Variants in STK3 observed in about 807,000 individuals in gnomAD.
The protein encoded by STK3 is serine/threonine-protein kinase 3.
In STK3, 41 loss-of-function variants were observed where a neutral mutation model predicts 58.0. The observed-to-expected ratio is 0.71, with a 90% CI of 0.55 to 0.92. STK3 has a LOEUF of 0.92. Among genes scored for constraint, STK3 ranks in the 40% least tolerant of loss-of-function variants. STK3 has a pLI of 0.00. For missense variants in STK3, 479 were observed against 602.7 expected, an observed-to-expected ratio of 0.79 and a Z score of 2.15; for synonymous variants, 170 against 191.0, an observed-to-expected ratio of 0.89 and a Z score of 0.91.
the STK3 span, among the ~76,000 whole-genome samples, chr8:98,358,254 C>A: frequency 6.6e-5 from 10 of 152,188 alleles, no homozygotes; most frequent in Non-Finnish European, 1.3e-4. Flanking sequence ...GGCCAAGGTG[C>A]AGCAGAACTT....
At chr8:98,576,181 A>G (rs1160597170) in intron 8 of STK3, among the ~76,000 whole-genome samples, 1 of 152,182 alleles carries the variant, frequency 6.6e-6, no homozygotes, top group African/African-American at 2.4e-5. Context: ...AAATGGTCTT[A>G]GCAACTCTGT....
chr8:98,721,926 A>T (rs1563929709), intron 4 of STK3, among the ~76,000 whole-genome samples: 1 of 151,638 alleles, frequency 6.6e-6, no homozygotes, highest in East Asian at 1.9e-4. Context: ...TCTAGATTTA[A>T]TTTTTTTTTA....
At chr8:98,931,396 T>G (rs1236293865) in intron 1 of STK3, among the ~76,000 whole-genome samples, 1 of 152,168 alleles carries the variant, frequency 6.6e-6, no homozygotes, top group East Asian at 1.9e-4. Context: ...GTAAGTAGAA[T>G]GCTGAAAAAG....
At chr8:98,513,026 TA>T (rs576739036) in intron 10 of STK3, among the ~76,000 whole-genome samples, 137 of 143,328 alleles carry the variant, frequency 9.6e-4, no homozygotes, top group Middle Eastern at 7.2e-3. Flanking sequence ...AAAAATAAAC[TA>T]AAATATTTCT....
intron 4 of STK3, among the ~76,000 whole-genome samples, chr8:98,745,368 T>C (rs1296427668): frequency 6.6e-6 from 1 of 152,132 alleles, no homozygotes; most frequent in Non-Finnish European, 1.5e-5. Flanking sequence ...TTGCATATGT[T>C]TGCTCATAGC....
chr8:98,478,488 A>G (rs1326968240), intron 10 of STK3, among the ~76,000 whole-genome samples: 2 of 152,202 alleles, frequency 1.3e-5, no homozygotes, highest in Non-Finnish European at 2.9e-5. Context: ...TCCAAGCCAG[A>G]TGCCTGGAGT....
intron 4 of STK3, among the ~76,000 whole-genome samples, chr8:98,739,279 C>A (rs909516806): frequency 6.6e-6 from 1 of 152,220 alleles, no homozygotes; most frequent in Admixed American, 6.5e-5. Context: ...TGAGAACGGG[C>A]AGACTGCCTC....
At chr8:98,587,677 T>A (rs1193364078) in intron 7 of STK3, among the ~76,000 whole-genome samples, 1 of 152,096 alleles carries the variant, frequency 6.6e-6, no homozygotes, top group Non-Finnish European at 1.5e-5. Flanking sequence ...CTCGTTGATC[T>A]GTCTAATGTT....
rs146759971 is a variant in STK3 at position 98,767,201 on chromosome 8, C to T, written c.236+42G>A. On this transcript the variant is annotated intron_variant, in intron 3 of 10. Transcript: ENST00000419617. Reference sequence around the variant, plus strand: ...TTTGTTATATTTTATTAGCAAAACTCGTCAAAACAAGGGTAAGCAAAGAAA... The same window carrying T: ...TTTGTTATATTTTATTAGCAAAACTTGTCAAAACAAGGGTAAGCAAAGAAA... The T allele has an allele frequency of 1.6e-3, 2,416 of 1,515,972 alleles. 26 individuals are homozygous for T. The African/African-American group carries it at 0.03, about 19-fold the overall frequency. 93.9% of individuals were successfully genotyped at this position (1,515,972 alleles called of 1,614,324 possible). A position where few individuals can be genotyped will look rare whatever the true frequency, so the allele number is the denominator to read the frequency against.
intron 1 of STK3, among the ~76,000 whole-genome samples, chr8:98,917,422 C>A (rs543043421): frequency 1.3e-5 from 2 of 152,098 alleles, no homozygotes; most frequent in African/African-American, 4.8e-5. Flanking sequence ...ATGGATTGAA[C>A]GTTTGTGACC....
At chr8:98,836,303 C>T (rs1448986562) in intron 3 of STK3, among the ~76,000 whole-genome samples, 1 of 152,126 alleles carries the variant, frequency 6.6e-6, no homozygotes, top group Non-Finnish European at 1.5e-5. Context: ...TGGTGAGGGC[C>T]AACTTCCTGA....
intron 1 of STK3, among the ~76,000 whole-genome samples, chr8:98,887,393 G>A (rs935757784): frequency 3.9e-5 from 6 of 152,048 alleles, no homozygotes; most frequent in East Asian, 1.9e-4. Context: ...GAAAAAATCC[G>A]AAAAAATCCA....
intron 2 of STK3, among the ~76,000 whole-genome samples, chr8:98,769,888 T>C (rs1394576641): frequency 6.6e-6 from 1 of 152,220 alleles, no homozygotes; most frequent in Admixed American, 6.5e-5. Flanking sequence ...ACTTCTGAAT[T>C]TCTTAATTCT....
intron 1 of STK3, among the ~76,000 whole-genome samples, chr8:98,938,453 C>A (rs150400279): frequency 2.1e-4 from 32 of 152,296 alleles, no homozygotes; most frequent in African/African-American, 7.2e-4. Flanking sequence ...ATTTTATACT[C>A]CCTCAAGAAA....
intron 6 of STK3, among the ~76,000 whole-genome samples, chr8:98,611,914 C>T (rs899069430): frequency 2.6e-5 from 4 of 151,926 alleles, no homozygotes; most frequent in African/African-American, 9.7e-5. Context: ...AAAAACTTAC[C>T]ATTTTTAGAG....
At chr8:98,543,300 G>A (rs1185873507) in intron 9 of STK3, among the ~76,000 whole-genome samples, 4 of 152,160 alleles carry the variant, frequency 2.6e-5, no homozygotes, top group African/African-American at 9.7e-5. Context: ...CTTAACTGGT[G>A]TTGAGCTTTA....
rs980356450 is a variant in STK3 at position 98,681,292 on chromosome 8, C to T, written c.684+25175G>A. ...GATTACAGGCGTGAGCCACTGCACC[C>T]GGCCTCTAACCTCCACCTTTCTATA... On this transcript the variant is annotated intron_variant, in intron 6 of 10. Transcript: ENST00000419617. Among the ~76,000 whole-genome samples the T allele has an allele frequency of 4.6e-5, 7 of 152,064 alleles. No individual in the cohort carries two copies. The East Asian group carries it at 5.8e-4, about 13-fold the overall frequency.
At chr8:98,660,869 C>T (rs1821918320) in intron 6 of STK3, among the ~76,000 whole-genome samples, 1 of 152,046 alleles carries the variant, frequency 6.6e-6, no homozygotes, top group African/African-American at 2.4e-5. Context: ...GACTTCCTCT[C>T]CCTCCTCAAA....
chr8:98,868,872 G>A (rs928823870), intron 3 of STK3, among the ~76,000 whole-genome samples: 13 of 152,054 alleles, frequency 8.5e-5, no homozygotes, highest in Non-Finnish European at 4.4e-5. Context: ...AGCTACTCGA[G>A]AGGCTGAGGT....
Sources: allele counts gnomAD v4.1 joint callset (sites outside exome capture counted in the v4.1 genomes callset), GRCh38; gene constraint gnomAD v4.1.1; transcripts MANE v1.5; gene names NCBI Gene and HGNC (gene_info 2026-07-23, HGNC 2026-07-21).